Variants in PAX5 observed in about 807,000 individuals in gnomAD.
PAX5 encodes paired box protein Pax-5.
PAX5 carries 9 observed loss-of-function variants against 43.7 expected under a neutral mutation model. The ratio of observed to expected loss-of-function variants is 0.21; its 90% CI spans 0.12 to 0.36. The LOEUF (loss-of-function observed/expected upper bound fraction) is 0.36. PAX5 is among the 10% of genes least tolerant of loss of function. The probability of loss-of-function intolerance (pLI) is 1.00; values close to 1 mark genes in which losing one functional copy is unlikely to be tolerated. For missense variants in PAX5, 383 were observed against 532.7 expected, an observed-to-expected ratio of 0.72 and a Z score of 2.77; for synonymous variants, 228 against 214.3, an observed-to-expected ratio of 1.06 and a Z score of -0.56.
chr9:36,966,124 G>T (rs753679269), intron 6 of PAX5, among the ~76,000 whole-genome samples: 31 of 152,202 alleles, frequency 2.0e-4, no homozygotes, highest in Non-Finnish European at 2.9e-4. Flanking sequence ...ATACCCACCC[G>T]CTCCGTCATT....
At chr9:36,932,258 G>C (rs1831197893) in intron 6 of PAX5, among the ~76,000 whole-genome samples, 1 of 152,120 alleles carries the variant, frequency 6.6e-6, no homozygotes, top group Non-Finnish European at 1.5e-5. Flanking sequence ...GGGCGACCTT[G>C]TCTCAAAAAA....
chr9:36,958,084 T>C (rs1290593788), intron 6 of PAX5, among the ~76,000 whole-genome samples: 1 of 152,198 alleles, frequency 6.6e-6, no homozygotes, highest in African/African-American at 2.4e-5. Flanking sequence ...AGTTGGGCTA[T>C]CAGAAAAGCT....
intron 6 of PAX5, among the ~76,000 whole-genome samples, chr9:36,950,985 G>T (rs534315988): frequency 2.0e-5 from 3 of 151,918 alleles, no homozygotes; most frequent in Admixed American, 2.0e-4. Flanking sequence ...CTCGTGATCC[G>T]CCCACCTCGG....
rs369584996 is a variant in PAX5, at chr9:36,981,184, A to G, written c.605-14460T>C. 8.5e-3 allele frequency among the ~76,000 whole-genome samples: 843 copies of G among 99,470 alleles called. 12 individuals carry two copies. Among genetic ancestry groups the G allele is most frequent in the African/African-American group, 0.026 (769 of 29,952 alleles). 65.3% of individuals were successfully genotyped at this position (99,470 alleles called of 152,430 possible). On this transcript the variant is annotated intron_variant, in intron 5 of 9. Coordinates refer to ENST00000358127, the MANE Select transcript of PAX5 (RefSeq NM_016734.3). ...TAGGACCACCCTCCAAAAACAGCAA[A>G]GCCCCCCCCCCCTCAGCCCTGCTTC...
chr9:36,840,548 T>A lies in PAX5; in HGVS notation c.*12A>T. 1 of 1,579,732 alleles carries A rather than the reference T, an allele frequency of 6.3e-7. No individual in the cohort carries two copies. The highest frequency in any genetic ancestry group is 8.6e-7 in the Non-Finnish European group (1 of 1,163,602). ...GTGCCATCAGTGTTTGGTGCCCGCC[T>A]GGCTCCAAGGGTCAGTGACGGTCAT... On this transcript the variant is annotated 3_prime_UTR_variant, in exon 10 of 10. Transcript: ENST00000358127.
At chr9:36,954,718 G>A (rs1833308864) in intron 6 of PAX5, among the ~76,000 whole-genome samples, 2 of 152,042 alleles carry the variant, frequency 1.3e-5, no homozygotes, top group Admixed American at 1.3e-4. Flanking sequence ...TTGGGATTTA[G>A]TATGCTTCTT....
chr9:36,912,361 C>T (rs930841199), intron 7 of PAX5, among the ~76,000 whole-genome samples: 1 of 152,234 alleles, frequency 6.6e-6, no homozygotes, highest in African/African-American at 2.4e-5. Flanking sequence ...GCCCATTTTA[C>T]AGATGGGAAA....
At chr9:36,867,804 G>C (rs562402453) in intron 8 of PAX5, among the ~76,000 whole-genome samples, 21 of 151,976 alleles carry the variant, frequency 1.4e-4, no homozygotes, top group African/African-American at 4.6e-4. Flanking sequence ...CTTTATTTGT[G>C]CCCGTTGCAC....
intron 6 of PAX5, among the ~76,000 whole-genome samples, chr9:36,947,292 C>A (rs1163092569): frequency 6.6e-6 from 1 of 152,230 alleles, no homozygotes; most frequent in Non-Finnish European, 1.5e-5. Flanking sequence ...CCAAACCTAC[C>A]ATAAATGTCC....
chr9:36,975,081 C>A (rs776769344), intron 5 of PAX5, among the ~76,000 whole-genome samples: 1 of 152,246 alleles, frequency 6.6e-6, no homozygotes, highest in Non-Finnish European at 1.5e-5. Flanking sequence ...TCTGGGTGTC[C>A]TCAGCACGTT....
chr9:36,866,282 G>A (rs1824875013), intron 8 of PAX5, among the ~76,000 whole-genome samples: 1 of 152,132 alleles, frequency 6.6e-6, no homozygotes, highest in South Asian at 2.1e-4. Flanking sequence ...TTTCTAACTG[G>A]GTCACAGCTT....
In PAX5 at chr9:36,882,125, A is replaced by G. The variant is rs1490977199; in HGVS notation, c.911-20T>C. On this transcript the variant is annotated intron_variant, in intron 7 of 9. Transcript: ENST00000358127. This position sits in a 1 kb window ranked among gnomAD's most constrained non-coding sequence, Gnocchi z 4.4. ...CACGGCCTGAGGAATCAAAGCAACAAATCACAGGGTGAGCATCTTCGCGGC... is the reference window on the plus strand; with the variant it reads ...CACGGCCTGAGGAATCAAAGCAACAGATCACAGGGTGAGCATCTTCGCGGC... The G allele has an allele frequency of 6.4e-7, 1 of 1,559,892 alleles. No homozygotes were observed. Among genetic ancestry groups the G allele is most frequent in the Non-Finnish European group, 8.7e-7 (1 of 1,145,118 alleles).
At chr9:36,968,086 C>A (rs540795117) in intron 5 of PAX5, among the ~76,000 whole-genome samples, 1 of 152,200 alleles carries the variant, frequency 6.6e-6, no homozygotes, top group Non-Finnish European at 1.5e-5. Flanking sequence ...ATATTGCTCA[C>A]GCAAGGCTGA....
At chr9:36,985,569 A>AG (rs1168648009) in intron 5 of PAX5, among the ~76,000 whole-genome samples, 1 of 152,132 alleles carries the variant, frequency 6.6e-6, no homozygotes, top group Non-Finnish European at 1.5e-5. Context: ...CAAGGTCCGA[A>AG]GGGGGAGGCA....
chr9:36,921,978 C>T (rs1490286070), intron 7 of PAX5, among the ~76,000 whole-genome samples: 1 of 152,200 alleles, frequency 6.6e-6, no homozygotes, highest in Non-Finnish European at 1.5e-5. Context: ...GGCTCCCCGG[C>T]TCCCTGCCCC....
At chr9:37,013,262 G>A (rs945155464) in intron 3 of PAX5, among the ~76,000 whole-genome samples, 3 of 152,076 alleles carry the variant, frequency 2.0e-5, no homozygotes, top group African/African-American at 7.2e-5. Flanking sequence ...CCCTTTAATC[G>A]GACTTGTGCT....
chr9:36,898,287 A>G (rs1828046616), intron 7 of PAX5, among the ~76,000 whole-genome samples: 1 of 152,192 alleles, frequency 6.6e-6, no homozygotes, highest in African/African-American at 2.4e-5. Flanking sequence ...CATATTATTT[A>G]TGCGGCCTCA....
At chr9:36,944,140 C>T (rs757616419) in intron 6 of PAX5, among the ~76,000 whole-genome samples, 1 of 152,122 alleles carries the variant, frequency 6.6e-6, no homozygotes, top group Non-Finnish European at 1.5e-5. Context: ...ACTATGATTG[C>T]ACCACTGCAC....
At chr9:36,909,814 A>ATTTTTTTTTTTTTTT (rs752114508) in intron 7 of PAX5, among the ~76,000 whole-genome samples, 1 of 91,872 alleles carries the variant, frequency 1.1e-5, no homozygotes. Context: ...AGACATTTTA[A>ATTTTTTTTTTTTTTT]TTTTTTTTTT....
Sources: gnomAD v4.1 joint callset for allele counts (sites outside exome capture counted in the v4.1 genomes callset) on GRCh38, gnomAD v4.1.1 for gene constraint, Gnocchi (gnomAD v3.1) non-coding constraint, MANE v1.5 for transcripts, NCBI Gene and HGNC (gene_info 2026-07-23, HGNC 2026-07-21) for gene names.